Variants in KCNAB2 observed in about 807,000 individuals in gnomAD.
KCNAB2 encodes the protein potassium voltage-gated channel subfamily A regulatory beta subunit 2.
In KCNAB2, 29 loss-of-function variants were observed where a neutral mutation model predicts 63.6. The observed-to-expected ratio is 0.46, with a 90% CI of 0.34 to 0.62. KCNAB2 has a LOEUF of 0.62. KCNAB2 is among the 20% of genes least tolerant of loss of function. The pLI is 0.01. For missense variants in KCNAB2, 359 were observed against 563.9 expected (o/e 0.64, Z 3.68); for synonymous variants, 222 against 224.2 (o/e 0.99, Z 0.09).
Position 6,048,378 on chromosome 1 carries a change from A to C in KCNAB2, c.-27+2195A>C, listed in dbSNP as rs189252765. ...ACCCAGTTGTCCAAAGCCTCATCTC[A>C]TGCAGCCCACAGCAGCCTGGTACAA... On this transcript the variant is annotated intron_variant, in intron 1 of 15. Transcript: ENST00000378083. Among the ~76,000 whole-genome samples the C allele has an allele frequency of 3.5e-3, 526 of 152,232 alleles. 1 individual carries two copies. Among genetic ancestry groups the C allele is most frequent in the African/African-American group, 0.012 (480 of 41,540 alleles).
At position 6,085,593 on chromosome 1, in the gene KCNAB2, G is replaced by A. The variant is rs118073307; in HGVS notation, c.425+345G>A. On this transcript the variant is annotated intron_variant, in intron 6 of 15. Transcript: ENST00000378083. ...GAACGGGCCTGGGTACAGCAAAGGC[G>A]TGCTGCTACAGAAGATGTGGGTGCA... is the stretch of plus-strand genomic sequence containing the variant. The A allele has an allele frequency of 2.0e-3, 471 of 230,354 alleles. 13 individuals carry two copies. Among genetic ancestry groups the A allele is most frequent in the East Asian group, 0.019 (168 of 9,048 alleles). 14.3% of individuals were successfully genotyped at this position (230,354 alleles called of 1,614,324 possible). A position where few individuals can be genotyped will look rare whatever the true frequency, so the allele number is the denominator to read the frequency against.
chr1:6,020,923 G>A (rs1396449725), intron 1 of KCNAB2, among the ~76,000 whole-genome samples: 2 of 152,106 alleles, frequency 1.3e-5, no homozygotes, highest in African/African-American at 4.8e-5. Context: ...GCCTCCCAAA[G>A]TGTTGGGATT....
At chr1:6,009,399 GTATGTGTGCACACGTGTGCA>G (rs2100260322) in intron 1 of KCNAB2, among the ~76,000 whole-genome samples, 1 of 152,236 alleles carries the variant, frequency 6.6e-6, no homozygotes, top group Admixed American at 6.5e-5. Flanking sequence ...CCGTGTGCGT[GTATGTGTGCACACGTGTGCA>G]TATGTGTATG....
chr1:6,000,935 G>A (rs1425504090), intron 1 of KCNAB2, among the ~76,000 whole-genome samples: 1 of 152,174 alleles, frequency 6.6e-6, no homozygotes, highest in Non-Finnish European at 1.5e-5. Context: ...CGTCACTCAG[G>A]CCACCACCAA....
intron 1 of KCNAB2, among the ~76,000 whole-genome samples, chr1:6,010,052 G>C (rs1016420877): frequency 1.3e-5 from 2 of 151,838 alleles, no homozygotes; most frequent in Admixed American, 1.3e-4. Flanking sequence ...TGTATTTTTA[G>C]TAGAGAAGGG....
chr1:6,075,938 CTGTT>C (rs1283858675), intron 4 of KCNAB2, among the ~76,000 whole-genome samples: 14 of 152,330 alleles, frequency 9.2e-5, no homozygotes, highest in African/African-American at 3.1e-4. Context: ...ACTCTGCACA[CTGTT>C]TGTATAAATA....
chr1:6,090,611 G>T (rs367838951), intron 9 of KCNAB2, 136 bp downstream of exon 9: 24 of 643,086 alleles, frequency 3.7e-5, no homozygotes, highest in East Asian at 2.8e-4. Context: ...GGTCCAGGGT[G>T]GGGGGCGAGG....
intron 1 of KCNAB2, among the ~76,000 whole-genome samples, chr1:6,023,878 T>A (rs778047797): frequency 2.0e-5 from 3 of 151,716 alleles, no homozygotes; most frequent in Non-Finnish European, 4.4e-5. Flanking sequence ...GTTCAAGGGA[T>A]CCTCCCACCT....
intron 1 of KCNAB2, among the ~76,000 whole-genome samples, chr1:6,039,862 G>A (rs1660353627): frequency 6.6e-6 from 1 of 152,248 alleles, no homozygotes; most frequent in South Asian, 2.1e-4. Flanking sequence ...ATCAGAGCCA[G>A]GAGGGACAGT....
Position 6,005,858 on chromosome 1 carries a change from C to A in KCNAB2, c.-53+13070C>A, listed in dbSNP as rs577078263. Among the ~76,000 whole-genome samples the A allele has an allele frequency of 1.9e-3, 282 of 151,900 alleles. 8 individuals carry two copies. The highest frequency in any genetic ancestry group is 0.017 in the Admixed American group (258 of 15,270). On this transcript the variant is annotated intron_variant, in intron 1 of 16. Transcript: ENST00000341524. ...CTGGAGGGAGGTCCCAGGGCTGGCA[C>A]CCTGGGGCTCTGTTCTGATGTTCTG... is the stretch of plus-strand genomic sequence containing the variant.
Position 6,084,584 on chromosome 1 carries a change from A to ATGAG in KCNAB2, c.381-620_381-619insTGAG, listed in dbSNP as rs1664495512. On this transcript the variant is annotated intron_variant, in intron 5 of 15. Transcript: ENST00000378083. ...GAATCCCAGCACTTTGGGAGGCCAC[A>ATGAG]GTGGGCGGATCACTCGAGATGAGGA... 2.5e-4 allele frequency among the ~76,000 whole-genome samples: 38 copies of ATGAG among 152,298 alleles called. 1 individual carries two copies. Among genetic ancestry groups the ATGAG allele is most frequent in the Admixed American group, 2.4e-3 (37 of 15,300 alleles).
rs1437962487 is a variant in KCNAB2, at chr1:6,073,252, C to T, written c.262+454C>T. Among the ~76,000 whole-genome samples the T allele has an allele frequency of 1.3e-5, 2 of 152,000 alleles. No homozygotes were observed. Among genetic ancestry groups the T allele is most frequent in the Non-Finnish European group, 2.9e-5 (2 of 67,988 alleles). On this transcript the variant is annotated intron_variant, in intron 3 of 15. Transcript: ENST00000378083. The surrounding 1 kb of genome is among the most constrained non-coding windows in gnomAD (Gnocchi z 5.7). ...GCAGTCCCCACCTCCCCTCTGCATG[C>T]AGTACACACACCCCCACACACACAC...
intron 6 of KCNAB2, chr1:6,085,908 T>TC: frequency 1.0e-6 from 1 of 985,682 alleles, no homozygotes; most frequent in Non-Finnish European, 1.2e-6. Flanking sequence ...AGTGGTCCCC[T>TC]CCAGCACAGA....
chr1:5,999,889 CCTGT>C (rs1045009790), intron 1 of KCNAB2, among the ~76,000 whole-genome samples: 53 of 151,652 alleles, frequency 3.5e-4, no homozygotes, highest in African/African-American at 1.2e-3. Flanking sequence ...CTCTCCGCAC[CCTGT>C]CTGTGTCGTC....
intron 1 of KCNAB2, among the ~76,000 whole-genome samples, chr1:6,038,076 A>G (rs1660199525): frequency 6.6e-6 from 1 of 151,380 alleles, no homozygotes; most frequent in Non-Finnish European, 1.5e-5. Flanking sequence ...ACGGGGTTTC[A>G]CTGTGTTAGC....
intron 1 of KCNAB2, among the ~76,000 whole-genome samples, chr1:6,048,837 A>G (rs945243530): frequency 6.6e-6 from 1 of 152,190 alleles, no homozygotes; most frequent in Non-Finnish European, 1.5e-5. Context: ...TGCCACGCGC[A>G]TGGAGGGAAG....
At chr1:6,034,514 T>A (rs1396518952) in exon 1 of KCNAB2, 1 of 152,250 alleles carries the variant, frequency 6.6e-6, no homozygotes, top group Admixed American at 6.5e-5. Flanking sequence ...GGGTCAACAC[T>A]TCTCGGAGTC....
At chr1:6,083,648 C>T (rs563302624) in intron 5 of KCNAB2, among the ~76,000 whole-genome samples, 17 of 152,320 alleles carry the variant, frequency 1.1e-4, no homozygotes, top group African/African-American at 2.6e-4. Context: ...GCTGAGCCCC[C>T]GGTGGACGCC....
intron 4 of KCNAB2, among the ~76,000 whole-genome samples, chr1:6,077,664 C>G (rs190075093): frequency 6.6e-6 from 1 of 152,166 alleles, no homozygotes; most frequent in Non-Finnish European, 1.5e-5. Flanking sequence ...CGGAGAGCGC[C>G]GAGCCCTTTG....
Sources: gnomAD v4.1 joint callset for allele counts (sites outside exome capture counted in the v4.1 genomes callset) on GRCh38, gnomAD v4.1.1 for gene constraint, Gnocchi (gnomAD v3.1) non-coding constraint, MANE v1.5 for transcripts, NCBI Gene and HGNC (gene_info 2026-07-23, HGNC 2026-07-21) for gene names.